CALD1: variants seen among roughly 807,000 people sequenced by gnomAD.
The protein encoded by CALD1 is caldesmon.
In CALD1, 33 loss-of-function variants were observed where a neutral mutation model predicts 99.9. That is an observed-to-expected ratio of 0.33 (90% CI 0.25 to 0.44). CALD1 has a LOEUF of 0.44. CALD1 is among the 20% of genes least tolerant of loss of function. The pLI, the probability that CALD1 is intolerant of heterozygous loss-of-function variation, is 1.00. For synonymous variants in CALD1, 310 were observed against 325.0 expected, an observed-to-expected ratio of 0.95 and a Z score of 0.50; for missense variants, 861 against 962.1, an observed-to-expected ratio of 0.89 and a Z score of 1.39.
intron 3 of CALD1, among the ~76,000 whole-genome samples, chr7:134,926,876 T>A (rs1197222111): frequency 1.3e-5 from 2 of 152,214 alleles, no homozygotes; most frequent in Non-Finnish European, 2.9e-5. Context: ...ATTTAAAGTG[T>A]ATTGTACACT....
At chr7:134,907,776 T>C (rs1226528371) in intron 3 of CALD1, among the ~76,000 whole-genome samples, 2 of 152,174 alleles carry the variant, frequency 1.3e-5, no homozygotes, top group African/African-American at 2.4e-5. Flanking sequence ...TCATTTTTGA[T>C]GAACTGCACA....
chr7:134,820,376 T>C (rs1476892074), intron 1 of CALD1, among the ~76,000 whole-genome samples: 1 of 152,156 alleles, frequency 6.6e-6, no homozygotes, highest in Non-Finnish European at 1.5e-5. Context: ...AAATAAAATC[T>C]AGGAGAAATC....
chr7:134,770,406 G>T (rs1796867522), intron 1 of CALD1, among the ~76,000 whole-genome samples: 1 of 152,144 alleles, frequency 6.6e-6, no homozygotes, highest in South Asian at 2.1e-4. Context: ...ACAAAATCAA[G>T]GTGTCAACAG....
chr7:134,808,469 C>T (rs1798235311), intron 1 of CALD1, among the ~76,000 whole-genome samples: 1 of 152,158 alleles, frequency 6.6e-6, no homozygotes, highest in Admixed American at 6.5e-5. Context: ...GATCCACTCC[C>T]TGGCAAAAGT....
intron 1 of CALD1, among the ~76,000 whole-genome samples, chr7:134,821,019 T>C (rs964406418): frequency 2.0e-5 from 3 of 152,232 alleles, no homozygotes; most frequent in African/African-American, 7.2e-5. Flanking sequence ...AGTTGTTTTC[T>C]ATTAAACTTA....
At position 134,933,806 on chromosome 7, in the gene CALD1, A is replaced by G. The variant is rs147935316; in HGVS notation, c.1037A>G (p.Lys346Arg). 542 of 1,557,056 alleles carry G rather than the reference A, an allele frequency of 3.5e-4. 1 individual carries two copies. The highest frequency in any genetic ancestry group is 4.0e-4 in the Non-Finnish European group (455 of 1,150,070). ...GCAGCAGAGGAGAGGCAGAGGATAA[A>G]GGAGGAAGAGAAAAGGGCAGCAGAG... ...KRAAEERQRI[K>R]EEEKRAAEER... is the part of the protein sequence containing the mutation. The change falls in exon 5 of 15, where the codon AAG becomes AGG. Residue 346 changes from lysine (K) to arginine (R), a missense_variant. Physicochemically the swap from Lys to Arg is conservative, Grantham distance 26. Coordinates refer to ENST00000361675, the MANE Select transcript of CALD1 (RefSeq NM_033138.4).
At chr7:134,955,856 G>T (rs960637053) in intron 9 of CALD1, among the ~76,000 whole-genome samples, 2 of 152,198 alleles carry the variant, frequency 1.3e-5, no homozygotes, top group East Asian at 3.9e-4. Flanking sequence ...TTGGCTAATT[G>T]TTTGGCTGAC....
chr7:134,828,483 G>A (rs1219626369), intron 1 of CALD1, among the ~76,000 whole-genome samples: 1 of 152,170 alleles, frequency 6.6e-6, no homozygotes, highest in Non-Finnish European at 1.5e-5. Flanking sequence ...AGATATAGGA[G>A]AGGAAATCAG....
chr7:134,850,438 G>A (rs1800028605), intron 2 of CALD1, among the ~76,000 whole-genome samples: 1 of 152,166 alleles, frequency 6.6e-6, no homozygotes. Flanking sequence ...ATGTGACCTT[G>A]GGCCAATGAC....
chr7:134,839,170 A>G (rs894678039), intron 1 of CALD1, among the ~76,000 whole-genome samples: 1 of 152,170 alleles, frequency 6.6e-6, no homozygotes, highest in African/African-American at 2.4e-5. Context: ...TTCGGTTTTT[A>G]TATTAATGAA....
chr7:134,750,094 T>C (rs1416740861), intron 1 of CALD1, among the ~76,000 whole-genome samples: 1 of 144,858 alleles, frequency 6.9e-6, no homozygotes, highest in Non-Finnish European at 1.5e-5. Context: ...AGTTGGAAGG[T>C]TGATATGGCA....
At chr7:134,716,806 T>A in the CALD1 span, among the ~76,000 whole-genome samples, 1 of 152,224 alleles carries the variant, frequency 6.6e-6, no homozygotes, top group Non-Finnish European at 1.5e-5. Context: ...CTTTGATGTG[T>A]GATATGGATT....
At chr7:134,760,633 A>G (rs1322536159) in intron 1 of CALD1, among the ~76,000 whole-genome samples, 1 of 152,234 alleles carries the variant, frequency 6.6e-6, no homozygotes, top group Non-Finnish European at 1.5e-5. Flanking sequence ...TAAAAGGATG[A>G]TATATAAAAC....
chr7:134,937,082 A>G (rs996213409), intron 6 of CALD1, among the ~76,000 whole-genome samples: 6 of 152,248 alleles, frequency 3.9e-5, no homozygotes, highest in Admixed American at 1.3e-4. Flanking sequence ...CTTTATAGAA[A>G]GAAGTGGGCA....
intron 1 of CALD1, among the ~76,000 whole-genome samples, chr7:134,787,228 T>C (rs1422713842): frequency 1.3e-5 from 2 of 152,158 alleles, no homozygotes; most frequent in Non-Finnish European, 2.9e-5. Flanking sequence ...TTATCAACCC[T>C]GTAAGGTCAA....
intron 1 of CALD1, among the ~76,000 whole-genome samples, chr7:134,773,465 G>A (rs1318220858): frequency 1.3e-5 from 2 of 151,716 alleles, no homozygotes; most frequent in East Asian, 3.9e-4. Context: ...ATAGAGACAG[G>A]GTTTCGCCCT....
chr7:134,778,126 T>C (rs373097540), upstream of CALD1, among the ~76,000 whole-genome samples: 3 of 152,238 alleles, frequency 2.0e-5, no homozygotes, highest in East Asian at 5.8e-4. Context: ...AGCTATAGTT[T>C]TTTGGGCTGT....
chr7:134,741,013 G>A (rs1309845009), upstream of CALD1, among the ~76,000 whole-genome samples: 1 of 152,134 alleles, frequency 6.6e-6, no homozygotes, highest in Non-Finnish European at 1.5e-5. Flanking sequence ...GCGAGGTTAG[G>A]TACCTTAGTA....
intron 1 of CALD1, among the ~76,000 whole-genome samples, chr7:134,790,712 A>G (rs1471577485): frequency 6.6e-6 from 1 of 152,176 alleles, no homozygotes; most frequent in East Asian, 1.9e-4. Context: ...AAAGAAAGAA[A>G]GCCAGAGAAG....
Sources: allele counts gnomAD v4.1 joint callset (sites outside exome capture counted in the v4.1 genomes callset), GRCh38; gene constraint gnomAD v4.1.1; transcripts MANE v1.5; gene names NCBI Gene and HGNC (gene_info 2026-07-23, HGNC 2026-07-21).